Variants in DOCK1 observed in about 807,000 individuals in gnomAD.
DOCK1 encodes dedicator of cytokinesis 1, also known as dedicator of cytokinesis protein 1.
Under a neutral mutation model 262.7 loss-of-function variants are expected in DOCK1, and 138 were observed. The ratio of observed to expected loss-of-function variants is 0.53; its 90% CI spans 0.46 to 0.61. The LOEUF (loss-of-function observed/expected upper bound fraction) is 0.61. Ranked by LOEUF, DOCK1 falls within the 20% of genes least tolerant of loss-of-function variation. DOCK1 has a pLI of 0.00. For synonymous variants in DOCK1, 866 were observed against 867.4 expected, an observed-to-expected ratio of 1.00 and a Z score of 0.03; for missense variants, 1,908 against 2,370.7, an observed-to-expected ratio of 0.80 and a Z score of 4.05.
At chr10:127,217,967 CT>C (rs978123208) in intron 27 of DOCK1, among the ~76,000 whole-genome samples, 3 of 149,280 alleles carry the variant, frequency 2.0e-5, no homozygotes, top group African/African-American at 2.4e-5. Flanking sequence ...TTGCTTTTTT[CT>C]TTTTTTTTTC....
intron 22 of DOCK1, among the ~76,000 whole-genome samples, chr10:127,056,983 C>G (rs959229523): frequency 6.6e-6 from 1 of 151,766 alleles, no homozygotes; most frequent in Non-Finnish European, 1.5e-5. Context: ...CACCCCTGCT[C>G]CCCATCATCC....
chr10:127,202,065 G>A lies in DOCK1; in HGVS notation c.2848-45943G>A, dbSNP rs192020102. On this transcript the variant is annotated intron_variant, in intron 27 of 51. Transcript: ENST00000623213. ...GAGCCAGGCACGGTGGCTTATGCCT[G>A]TAATCCGAGCATTTTGGGAGGCCAA... Among the ~76,000 whole-genome samples, 96 of 152,324 alleles carry A rather than the reference G, an allele frequency of 6.3e-4. 1 individual carries two copies. Among genetic ancestry groups the A allele is most frequent in the Admixed American group, 2.9e-3 (44 of 15,302 alleles).
rs1330050359 is a variant in DOCK1, at chr10:127,100,793, C to T, written c.2446-5438C>T. 2.0e-5 allele frequency among the ~76,000 whole-genome samples: 3 copies of T among 152,068 alleles called. No homozygotes were observed. The highest frequency in any genetic ancestry group is 2.9e-5 in the Non-Finnish European group (2 of 68,010). The stretch of plus-strand genomic sequence containing the variant: ...CCACTTGAGAACAGCCTGAAGTCAT[C>T]GTGGCCTTGGCAGGAACAGAGCTGT... On this transcript the variant is annotated intron_variant, in intron 23 of 51. Transcript: ENST00000623213. The surrounding 1 kb of genome is among the most constrained non-coding windows in gnomAD (Gnocchi z 5.5).
At chr10:127,340,397 T>G (rs758635313) in intron 30 of DOCK1, among the ~76,000 whole-genome samples, 5 of 151,970 alleles carry the variant, frequency 3.3e-5, no homozygotes, top group East Asian at 1.9e-4. Flanking sequence ...CCTGTGTGTG[T>G]TTTTTTTCAG....
chr10:127,219,444 C>T (rs1045223558), intron 27 of DOCK1, among the ~76,000 whole-genome samples: 1 of 152,128 alleles, frequency 6.6e-6, no homozygotes, highest in Non-Finnish European at 1.5e-5. Flanking sequence ...TAGGTCATGT[C>T]AGGGCTGATT....
At chr10:127,379,355 G>A (rs2065702962) in intron 35 of DOCK1, among the ~76,000 whole-genome samples, 1 of 151,822 alleles carries the variant, frequency 6.6e-6, no homozygotes, top group African/African-American at 2.4e-5. Flanking sequence ...TTTATACACA[G>A]GGGGCTTTTT....
chr10:127,275,189 T>C (rs1250220587), intron 29 of DOCK1, among the ~76,000 whole-genome samples: 1 of 151,574 alleles, frequency 6.6e-6, no homozygotes, highest in Admixed American at 6.6e-5. Context: ...CTTTGATATC[T>C]AGGGGTTTAG....
rs1195301304 is a variant in DOCK1, at chr10:126,935,063, A to G, written c.46+29500A>G. ...AGGCGGAGCTTGCAGTGAGCGGATC[A>G]CGCCACTGCACTCCAGCCTGGGTGA... On this transcript the variant is annotated intron_variant, in intron 1 of 51. Transcript: ENST00000623213. 2.6e-5 allele frequency among the ~76,000 whole-genome samples: 4 copies of G among 152,306 alleles called. No individual in the cohort carries two copies. In the East Asian group the frequency reaches 7.7e-4, roughly 29 times the overall value.
In DOCK1 at chr10:127,176,367, A is replaced by G. The variant is rs1228423101; in HGVS notation, c.2847+48603A>G. 1.2e-6 allele frequency: 2 copies of G among 1,611,956 alleles called. No homozygotes were observed. The highest frequency in any genetic ancestry group is 1.3e-5 in the African/African-American group (1 of 74,910). On this transcript the variant is annotated intron_variant, in intron 27 of 51. Transcript: ENST00000623213. The surrounding 1 kb of genome is among the most constrained non-coding windows in gnomAD (Gnocchi z 4.4). ...CACTTCACTCTCCGACGTTGTGAGT[A>G]TGCATTTGCCGGTGTCCTTACTGAC... is the stretch of plus-strand genomic sequence containing the variant.
At chr10:127,191,601 G>C (rs1377505064) in intron 27 of DOCK1, among the ~76,000 whole-genome samples, 1 of 152,116 alleles carries the variant, frequency 6.6e-6, no homozygotes, top group Non-Finnish European at 1.5e-5. Flanking sequence ...CATGAAGAAG[G>C]ACCATTGACA....
chr10:127,424,865 C>T (rs971171990), intron 46 of DOCK1, among the ~76,000 whole-genome samples: 1 of 152,158 alleles, frequency 6.6e-6, no homozygotes, highest in African/African-American at 2.4e-5. Flanking sequence ...TCCAAGCAGG[C>T]TAGGAGGGCT....
At chr10:127,269,710 G>A (rs918214252) in intron 29 of DOCK1, among the ~76,000 whole-genome samples, 74 of 152,176 alleles carry the variant, frequency 4.9e-4, no homozygotes, top group Non-Finnish European at 6.0e-4. Flanking sequence ...TCCCTCATGT[G>A]CAGATGAGGT....
chr10:126,968,361 G>A (rs1007867179), intron 1 of DOCK1, among the ~76,000 whole-genome samples: 4 of 152,192 alleles, frequency 2.6e-5, no homozygotes, highest in Non-Finnish European at 5.9e-5. Flanking sequence ...TTGTGATCTT[G>A]ACTGGGTTGC....
intron 25 of DOCK1, among the ~76,000 whole-genome samples, chr10:127,124,978 G>A (rs532073139): frequency 2.0e-5 from 3 of 152,172 alleles, no homozygotes; most frequent in South Asian, 2.1e-4. Flanking sequence ...TTAGCTGGGC[G>A]TGGTGGCAGG....
intron 1 of DOCK1, among the ~76,000 whole-genome samples, chr10:126,953,968 G>T (rs1412513341): frequency 2.0e-5 from 3 of 152,202 alleles, no homozygotes; most frequent in Non-Finnish European, 4.4e-5. Context: ...GGTCCTGTGT[G>T]TTGGGTGTCA....
chr10:127,208,738 A>G (rs535744397), intron 27 of DOCK1, among the ~76,000 whole-genome samples: 1 of 152,186 alleles, frequency 6.6e-6, no homozygotes, highest in African/African-American at 2.4e-5. Context: ...GTGGATTAGC[A>G]CCCCACTTTC....
intron 33 of DOCK1, among the ~76,000 whole-genome samples, chr10:127,363,003 A>C (rs2064659668): frequency 7.5e-6 from 1 of 132,586 alleles, no homozygotes; most frequent in Non-Finnish European, 1.6e-5. Context: ...CCACACACAC[A>C]CGCACATCCC....
chr10:127,406,147 C>T (rs1302771049), intron 40 of DOCK1, among the ~76,000 whole-genome samples: 2 of 152,060 alleles, frequency 1.3e-5, no homozygotes, highest in Non-Finnish European at 2.9e-5. Flanking sequence ...TTAGATGGTG[C>T]GTGTGGCCCC....
chr10:127,115,155 T>C (rs2049106054), intron 25 of DOCK1, among the ~76,000 whole-genome samples: 1 of 152,180 alleles, frequency 6.6e-6, no homozygotes, highest in African/African-American at 2.4e-5. Flanking sequence ...TGTATGGTGG[T>C]AATACAGAGG....
Sources: gnomAD v4.1 joint callset for allele counts (sites outside exome capture counted in the v4.1 genomes callset) on GRCh38, gnomAD v4.1.1 for gene constraint, Gnocchi (gnomAD v3.1) non-coding constraint, MANE v1.5 for transcripts, NCBI Gene and HGNC (gene_info 2026-07-23, HGNC 2026-07-21) for gene names.